The following ZC3H7B variants were observed in gnomAD, a reference collection of about 807,000 sequenced individuals.
ZC3H7B encodes zinc finger CCCH domain-containing protein 7B.
Under a neutral mutation model 116.0 loss-of-function variants are expected in ZC3H7B, and 35 were observed. That is an observed-to-expected ratio of 0.30 (90% CI 0.23 to 0.40). The LOEUF (loss-of-function observed/expected upper bound fraction) is 0.40, where lower values mean the gene tolerates loss of function less well. Among genes scored for constraint, ZC3H7B ranks in the 10% least tolerant of loss-of-function variants. The probability of loss-of-function intolerance (pLI) is 1.00; values close to 1 mark genes in which losing one functional copy is unlikely to be tolerated. For synonymous variants in ZC3H7B, 502 were observed against 545.6 expected (o/e 0.92, Z 1.11); for missense variants, 1,011 against 1,321.5 (o/e 0.77, Z 3.64).
intron 6 of ZC3H7B, 64 bp from the exon 7 acceptor site, chr22:41,332,107 A>G (rs367613667): frequency 7.1e-5 from 113 of 1,586,584 alleles, no homozygotes; most frequent in Admixed American, 1.2e-4. Context: ...TGCCCCAGCT[A>G]AGGGGACCTT....
At position 41,357,810 on chromosome 22, in the gene ZC3H7B, GGTCCTTCTCTCCCTGGCCC is replaced by G. The variant is rs1182390584; in HGVS notation, c.*387_*405del. 7 of 279,712 alleles carry G rather than the reference GGTCCTTCTCTCCCTGGCCC, an allele frequency of 2.5e-5. No homozygotes were observed. The highest frequency in any genetic ancestry group is 1.3e-4 in the African/African-American group (6 of 46,254). The allele number at this position is 279,712 out of a possible 1,614,324, so 17.3% of individuals were successfully genotyped here. ...TCCCCACTTGAATCTCCAGCAGGAG[GGTCCTTCTCTCCCTGGCCC>G]GTCCTCCTCCCACCCCCTCCCCCTG... On this transcript the variant is annotated 3_prime_UTR_variant, in exon 23 of 23. Coordinates refer to ENST00000352645, the MANE Select transcript of ZC3H7B (RefSeq NM_017590.6). This position sits in a 1 kb window ranked among gnomAD's most constrained non-coding sequence, Gnocchi z 5.4.
chr22:41,353,091 AG>A (rs1427112670), intron 17 of ZC3H7B, among the ~76,000 whole-genome samples: 8 of 151,456 alleles, frequency 5.3e-5, no homozygotes, highest in African/African-American at 1.9e-4. Flanking sequence ...AAAAAAAAAA[AG>A]AAGAAAAAAA....
At chr22:41,354,636 G>A (rs1236763844) in intron 17 of ZC3H7B, among the ~76,000 whole-genome samples, 1 of 152,186 alleles carries the variant, frequency 6.6e-6, no homozygotes, top group African/African-American at 2.4e-5. Context: ...AGAGGGGACA[G>A]CTGGTGCATT....
intron 6 of ZC3H7B, among the ~76,000 whole-genome samples, chr22:41,331,174 G>A (rs1165851393): frequency 4.8e-5 from 7 of 145,962 alleles, no homozygotes; most frequent in African/African-American, 1.5e-4. Context: ...ACTTGAACCC[G>A]GGAGGCGGAG....
intron 2 of ZC3H7B, 137 bp downstream of exon 2, chr22:41,320,850 C>G (rs1306038465): frequency 5.0e-6 from 6 of 1,206,862 alleles, no homozygotes; most frequent in Non-Finnish European, 7.2e-6. Context: ...GGGGTGCGGG[C>G]AGGTGGGAGG....
At chr22:41,318,928 A>G (rs964159801) in intron 1 of ZC3H7B, among the ~76,000 whole-genome samples, 1 of 152,120 alleles carries the variant, frequency 6.6e-6, no homozygotes, top group Admixed American at 6.6e-5. Context: ...CCCACCAGGT[A>G]TCCACAGGGC....
At position 41,339,095 on chromosome 22, in the gene ZC3H7B, G is replaced by A; in HGVS notation, c.720G>A (p.Leu240=). The change falls in exon 9 of 23, where the codon CTG becomes CTA. Residue 240 remains leucine, a synonymous_variant. Transcript: ENST00000352645. The part of the protein sequence containing the change: ...FPHVLDLLAP[L]DSSRTLPSTD... ...ACGTTCTGGACCTGCTGGCCCCCCT[G>A]GACAGCAGCAGGACCCTCCCCAGCA... The A allele has an allele frequency of 1.2e-6, 2 of 1,613,364 alleles. No homozygotes were observed. Among genetic ancestry groups the A allele is most frequent in the Non-Finnish European group, 1.7e-6 (2 of 1,179,740 alleles).
At chr22:41,320,028 C>T (rs2036234655) in intron 1 of ZC3H7B, among the ~76,000 whole-genome samples, 1 of 119,384 alleles carries the variant, frequency 8.4e-6, no homozygotes, top group Non-Finnish European at 1.6e-5. Flanking sequence ...GAGACTCCAT[C>T]TCAAAAAAAA....
chr22:41,327,080 C>A lies in ZC3H7B; in HGVS notation c.286-126C>A. On this transcript the variant is annotated intron_variant, in intron 4 of 22. Transcript: ENST00000352645. This position sits in a 1 kb window ranked among gnomAD's most constrained non-coding sequence, Gnocchi z 4.5. ...GGAGCCTCGAGCCCTGTCCCTGACCCAAGACTTCAGCTCCTCTGTCTCTGC... is the reference window on the plus strand; with the variant it reads ...GGAGCCTCGAGCCCTGTCCCTGACCAAAGACTTCAGCTCCTCTGTCTCTGC... The A allele has an allele frequency of 7.2e-7, 1 of 1,398,244 alleles. No individual in the cohort carries two copies. The highest frequency in any genetic ancestry group is 1.4e-5 in the South Asian group (1 of 72,824). The allele number at this position is 1,398,244 out of a possible 1,614,324, so 86.6% of individuals were successfully genotyped here.
At position 41,325,593 on chromosome 22, in the gene ZC3H7B, A is replaced by G; in HGVS notation, c.83A>G (p.Tyr28Cys). The G allele has an allele frequency of 6.2e-7, 1 of 1,612,048 alleles. No homozygotes were observed. The highest frequency in any genetic ancestry group is 8.5e-7 in the Non-Finnish European group (1 of 1,179,232). Reference protein sequence around the residue: ...QSTLPLKQEEYEAFLLKLVQN... With the variant: ...QSTLPLKQEECEAFLLKLVQN... Reference sequence around the variant, plus strand: ...ACACTACCCCTAAAGCAAGAAGAATATGAGGTGAGTGTCAGCTGCCAGGCT... The same window carrying G: ...ACACTACCCCTAAAGCAAGAAGAATGTGAGGTGAGTGTCAGCTGCCAGGCT... The change falls in exon 3 of 23, where the codon TAT becomes TGT. Residue 28 changes from tyrosine (Y) to cysteine (C), a missense_variant. Transcript: ENST00000352645.
At chr22:41,335,890 A>G (rs548889776) in intron 7 of ZC3H7B, 2 of 153,242 alleles carry the variant, frequency 1.3e-5, no homozygotes, top group African/African-American at 4.8e-5. Flanking sequence ...GGGCGCCTGG[A>G]CCGAGGGCTA....
intron 7 of ZC3H7B, among the ~76,000 whole-genome samples, chr22:41,337,327 CA>C (rs111381485): frequency 4.3e-4 from 57 of 133,494 alleles, no homozygotes; most frequent in South Asian, 3.6e-3. Flanking sequence ...GACTCTGTCT[CA>C]AAAAAAAAAA....
chr22:41,306,552 T>C (rs1277692175), intron 1 of ZC3H7B, among the ~76,000 whole-genome samples: 1 of 152,078 alleles, frequency 6.6e-6, no homozygotes, highest in East Asian at 1.9e-4. Flanking sequence ...GTATTTTTAG[T>C]AGAGACGGGG....
intron 17 of ZC3H7B, among the ~76,000 whole-genome samples, chr22:41,352,391 A>G (rs930199751): frequency 6.6e-6 from 1 of 152,094 alleles, no homozygotes; most frequent in Non-Finnish European, 1.5e-5. Flanking sequence ...ACATTTCTCT[A>G]TTGTAAAATT....
chr22:41,343,497 C>A lies in ZC3H7B; in HGVS notation c.1380C>A (p.Ser460Arg). 1.2e-6 allele frequency: 2 copies of A among 1,613,814 alleles called. No individual in the cohort carries two copies. Among genetic ancestry groups the A allele is most frequent in the Non-Finnish European group, 1.7e-6 (2 of 1,179,912 alleles). Residue 460 changes from serine (S) to arginine (R), a missense_variant, in exon 13 of 23, where the codon AGC becomes AGA. Physicochemically the swap from Ser to Arg is moderately radical, Grantham distance 110. This residue lies in a region of ZC3H7B where 179 missense variants were observed against 178.5 expected (regional missense o/e 1.00). Coordinates refer to ENST00000352645, the MANE Select transcript of ZC3H7B (RefSeq NM_017590.6). The part of the protein sequence containing the change: ...KRDILLGRLR[S>R]SEDQTWKRIR... ...ACATCCTGCTCGGCCGGCTCCGGAG[C>A]TCGGAGGACCAGACCTGGAAGCGGA...
chr22:41,319,996 A>T (rs1372711104), intron 1 of ZC3H7B, among the ~76,000 whole-genome samples: 1 of 148,770 alleles, frequency 6.7e-6, no homozygotes, highest in African/African-American at 2.5e-5. Flanking sequence ...GCATCACTGC[A>T]CTCCAGTCTG....
chr22:41,346,677 G>T lies in ZC3H7B; in HGVS notation c.1665+469G>T, dbSNP rs1459880134. On this transcript the variant is annotated intron_variant, in intron 14 of 22. Transcript: ENST00000352645. This position sits in a 1 kb window ranked among gnomAD's most constrained non-coding sequence, Gnocchi z 5.3. ...CTAAAAATACAAAAATTAGCTGGGC[G>T]TTGTGGTGCACGCCTGTAGTCCCAG... Among the ~76,000 whole-genome samples, 1 of 152,062 alleles carries T rather than the reference G, an allele frequency of 6.6e-6. No homozygotes were observed. Among genetic ancestry groups the T allele is most frequent in the Non-Finnish European group, 1.5e-5 (1 of 68,006 alleles).
Position 41,346,146 on chromosome 22 carries a change from G to A in ZC3H7B, c.1603G>A (p.Gly535Ser), listed in dbSNP as rs188861897. 38 of 1,612,964 alleles carry A rather than the reference G, an allele frequency of 2.4e-5. No individual in the cohort carries two copies. The East Asian group carries it at 3.3e-4, about 14-fold the overall frequency. ...LFDPLGGVKR[G>S]SLTIAKLLKE... ...CGACCCGCTGGGGGGTGTTAAGCGC[G>A]GCAGCCTCACCATCGCCAAGCTCCT... The change falls in exon 14 of 23, where the codon GGC becomes AGC. Residue 535 changes from glycine to serine, a missense_variant. Transcript: ENST00000352645. The surrounding 1 kb of genome is among the most constrained non-coding windows in gnomAD (Gnocchi z 5.3).
chr22:41,347,023 T>C (rs943927258), intron 14 of ZC3H7B, among the ~76,000 whole-genome samples: 1 of 150,218 alleles, frequency 6.7e-6, no homozygotes, highest in Non-Finnish European at 1.5e-5. Context: ...GGCAGGCAGA[T>C]ATCCCCATTT....
Sources: gnomAD v4.1 joint callset for allele counts (sites outside exome capture counted in the v4.1 genomes callset) on GRCh38, gnomAD v4.1.1 for gene constraint, gnomAD v4.1.1 regional missense constraint, Gnocchi (gnomAD v3.1) non-coding constraint, MANE v1.5 for transcripts, NCBI Gene and HGNC (gene_info 2026-07-23, HGNC 2026-07-21) for gene names.